The following GAB3 variants were observed in gnomAD, a reference collection of about 807,000 sequenced individuals.
The protein encoded by GAB3 is GRB2-associated-binding protein 3.
In GAB3, 12 loss-of-function variants were observed where a neutral mutation model predicts 40.4. The ratio of observed to expected loss-of-function variants is 0.30; its 90% CI spans 0.19 to 0.48. The LOEUF is 0.48. GAB3 is among the 20% of genes least tolerant of loss of function. GAB3 has a pLI of 0.99. For missense variants in GAB3, 381 were observed against 461.9 expected, an observed-to-expected ratio of 0.82 and a Z score of 1.61; for synonymous variants, 154 against 176.7, an observed-to-expected ratio of 0.87 and a Z score of 1.02.
At chrX:154,740,718 C>A (rs1304738984) in intron 1 of GAB3, among the ~76,000 whole-genome samples, 1 of 111,765 alleles carries the variant, frequency 8.9e-6, no homozygotes, top group East Asian at 2.8e-4. Flanking sequence ...ACCTGTATAG[C>A]CAACCCAGGT....
intron 2 of GAB3, among the ~76,000 whole-genome samples, chrX:154,713,683 G>T (rs1310035571): frequency 1.1e-5 from 1 of 89,625 alleles, no homozygotes; most frequent in Non-Finnish European, 2.2e-5. Context: ...TCTACGCACA[G>T]CTTCTTTATG....
intron 8 of GAB3, among the ~76,000 whole-genome samples, chrX:154,693,222 G>A (rs1328886392): frequency 9.0e-6 from 1 of 111,727 alleles, no homozygotes; most frequent in African/African-American, 3.3e-5. Context: ...ACTTATATGA[G>A]GTACCTAGAA....
At chrX:154,735,824 C>A (rs922095307) in intron 1 of GAB3, among the ~76,000 whole-genome samples, 4 of 112,274 alleles carry the variant, frequency 3.6e-5, no homozygotes, top group Non-Finnish European at 7.5e-5. Flanking sequence ...GGCCTCTACT[C>A]ACATCACCAC....
At chrX:154,698,218 T>G (rs782130950) in intron 6 of GAB3, among the ~76,000 whole-genome samples, 4 of 112,271 alleles carry the variant, frequency 3.6e-5, no homozygotes, top group Non-Finnish European at 7.5e-5. Flanking sequence ...TAATGGCTAT[T>G]TCCTCTGAAC....
chrX:154,698,763 A>G, intron 6 of GAB3, among the ~76,000 whole-genome samples: 1 of 112,230 alleles, frequency 8.9e-6, no homozygotes, highest in Non-Finnish European at 1.9e-5. Flanking sequence ...CCGTGCACAG[A>G]GGAGTCAGCC....
At chrX:154,737,976 T>A in intron 1 of GAB3, among the ~76,000 whole-genome samples, 1 of 111,455 alleles carries the variant, frequency 9.0e-6, no homozygotes, top group African/African-American at 3.3e-5. Flanking sequence ...GGCAACAGAG[T>A]GAGATCCTGT....
intron 8 of GAB3, among the ~76,000 whole-genome samples, chrX:154,691,440 A>G (rs1034475176): frequency 2.7e-5 from 3 of 111,214 alleles, no homozygotes; most frequent in African/African-American, 9.8e-5. Flanking sequence ...AATAAAAAAG[A>G]AAAAAAAGAA....
At chrX:154,729,284 A>G (rs1445761420) in intron 1 of GAB3, among the ~76,000 whole-genome samples, 1 of 112,313 alleles carries the variant, frequency 8.9e-6, no homozygotes. Context: ...GGCACCCATG[A>G]TTACTTTAAA....
chrX:154,692,355 A>C (rs1557249646), intron 8 of GAB3, among the ~76,000 whole-genome samples: 1 of 112,300 alleles, frequency 8.9e-6, no homozygotes, highest in Non-Finnish European at 1.9e-5. Context: ...TATGCAAAGG[A>C]CTTGAATAGA....
intron 1 of GAB3, among the ~76,000 whole-genome samples, chrX:154,747,330 G>A (rs185124617): frequency 1.8e-5 from 2 of 112,006 alleles, no homozygotes; most frequent in Admixed American, 1.9e-4. Flanking sequence ...TTTTGATGAT[G>A]TTTCAAAAGT....
At chrX:154,735,735 C>A (rs983434754) in intron 1 of GAB3, among the ~76,000 whole-genome samples, 3 of 112,205 alleles carry the variant, frequency 2.7e-5, no homozygotes, top group Admixed American at 9.4e-5. Context: ...CAATTCACAT[C>A]AAATCATGTC....
rs149171921 is a variant in GAB3 at position 154,736,575 on chromosome X, C to A, written c.72+14379G>T. ...AGTAAAATGCTAGACTTGAAGTTTT[C>A]TTTCTGCTTTTCTGTGGTGTGTACG... On this transcript the variant is annotated intron_variant, in intron 1 of 9. Transcript: ENST00000424127. Among the ~76,000 whole-genome samples the A allele has an allele frequency of 7.5e-3, 848 of 112,422 alleles. 8 individuals are homozygous for A. The highest frequency in any genetic ancestry group is 0.026 in the African/African-American group (814 of 30,933).
intron 8 of GAB3, among the ~76,000 whole-genome samples, chrX:154,689,115 G>A (rs1434631551): frequency 1.1e-4 from 12 of 108,868 alleles, no homozygotes; most frequent in East Asian, 2.9e-4. Context: ...TTCAATATAC[G>A]CAAATCAGTA....
intron 1 of GAB3, among the ~76,000 whole-genome samples, chrX:154,728,849 A>G (rs782573560): frequency 8.9e-6 from 1 of 112,500 alleles, no homozygotes; most frequent in Admixed American, 9.4e-5. Flanking sequence ...GGACAGCATG[A>G]CTGACTAAAG....
rs147258723 is a variant in GAB3, at chrX:154,696,957, C to T, written c.1427+175G>A. Reference sequence around the variant, plus strand: ...TTCCTGATTCCAGGATCCTGGGAGACCCAGACATATTCCTTCCTTTGTGAT... The same window carrying T: ...TTCCTGATTCCAGGATCCTGGGAGATCCAGACATATTCCTTCCTTTGTGAT... On this transcript the variant is annotated intron_variant, in intron 7 of 9. Coordinates refer to ENST00000424127, the MANE Select transcript of GAB3 (RefSeq NM_001081573.3). Among the ~76,000 whole-genome samples, 203 of 112,589 alleles carry T rather than the reference C, an allele frequency of 1.8e-3. 1 individual carries two copies. The highest frequency in any genetic ancestry group is 0.014 in the East Asian group (49 of 3,586).
chrX:154,679,090 G>A (rs1557246225), intron 9 of GAB3: 1 of 317,963 alleles, frequency 3.1e-6, no homozygotes, highest in East Asian at 1.0e-4. Context: ...CCAGGAGATC[G>A]AGGCTGCAGT....
chrX:154,713,171 G>C lies in GAB3; in HGVS notation c.596+36C>G, dbSNP rs782615828. The C allele has an allele frequency of 2.7e-6, 3 of 1,106,085 alleles. No homozygotes were observed. The South Asian group carries it at 5.5e-5, about 20-fold the overall frequency. 91.2% of individuals were successfully genotyped at this position (1,106,085 alleles called of 1,213,427 possible). ...TGTGACTCTAGAGAGCATGCTAGCA[G>C]GCCCAGCTCAGACAGAGTCCTGGGC... On this transcript the variant is annotated intron_variant, in intron 3 of 9. Coordinates refer to ENST00000424127, the MANE Select transcript of GAB3 (RefSeq NM_001081573.3).
At chrX:154,710,490 C>G (rs1331050369) in intron 4 of GAB3, among the ~76,000 whole-genome samples, 1 of 111,814 alleles carries the variant, frequency 8.9e-6, no homozygotes, top group Non-Finnish European at 1.9e-5. Flanking sequence ...AACTCAGACC[C>G]TCACATACAT....
intron 2 of GAB3, among the ~76,000 whole-genome samples, chrX:154,715,442 G>A (rs1052421335): frequency 9.1e-6 from 1 of 110,158 alleles, no homozygotes; most frequent in African/African-American, 3.3e-5. Context: ...GAGAGAGAGA[G>A]AGAGAGAGAG....
Sources: allele counts gnomAD v4.1 joint callset (sites outside exome capture counted in the v4.1 genomes callset), GRCh38; gene constraint gnomAD v4.1.1; transcripts MANE v1.5; gene names NCBI Gene and HGNC (gene_info 2026-07-23, HGNC 2026-07-21).